The following ZNF236 variants were observed in gnomAD, a reference collection of about 807,000 sequenced individuals.
ZNF236 encodes the protein regulated by glucose.
ZNF236 carries 50 observed loss-of-function variants against 191.2 expected under a neutral mutation model. The observed-to-expected ratio is 0.26, with a 90% CI of 0.21 to 0.33. The LOEUF (loss-of-function observed/expected upper bound fraction) is 0.33. ZNF236 is among the 10% of genes least tolerant of loss of function. The pLI, the probability that ZNF236 is intolerant of heterozygous loss-of-function variation, is 1.00. For missense variants in ZNF236, 1,754 were observed against 2,374.5 expected (o/e 0.74, Z 5.43); for synonymous variants, 907 against 928.8 (o/e 0.98, Z 0.43).
intron 26 of ZNF236, among the ~76,000 whole-genome samples, chr18:76,945,648 G>A (rs1169456111): frequency 6.6e-6 from 1 of 152,176 alleles, no homozygotes; most frequent in Non-Finnish European, 1.5e-5. Flanking sequence ...TTAGCCACAC[G>A]TGGCGCATGC....
At chr18:76,918,728 A>C (rs949095469) in intron 19 of ZNF236, among the ~76,000 whole-genome samples, 2 of 151,970 alleles carry the variant, frequency 1.3e-5, no homozygotes, top group African/African-American at 4.8e-5. Flanking sequence ...TTAATTTTTA[A>C]ATTTTTGGTA....
chr18:76,904,481 C>T lies in ZNF236; in HGVS notation c.1996C>T (p.Arg666Cys), dbSNP rs1179253431. 3.1e-6 allele frequency: 5 copies of T among 1,606,808 alleles called. No homozygotes were observed. The highest frequency in any genetic ancestry group is 4.5e-5 in the East Asian group (2 of 44,334). The change falls in exon 12 of 31, where the codon CGT becomes TGT. Residue 666 changes from arginine (R) to cysteine (C), a missense_variant. Transcript: ENST00000320610. Reference protein sequence around the residue: ...DRPYKCFYCHRAYKKSCHLKQ... With the variant: ...DRPYKCFYCHCAYKKSCHLKQ... ...ACCATACAAGTGTTTTTACTGTCATCGTGCATATAAAAAATCTTGCCACCT... is the reference window on the plus strand; with the variant it reads ...ACCATACAAGTGTTTTTACTGTCATTGTGCATATAAAAAATCTTGCCACCT...
intron 1 of ZNF236, among the ~76,000 whole-genome samples, chr18:76,826,481 T>C (rs1436618500): frequency 1.3e-5 from 2 of 151,588 alleles, no homozygotes; most frequent in African/African-American, 4.8e-5. Flanking sequence ...GAACTGGATC[T>C]CCATTTGTGT....
intron 11 of ZNF236, among the ~76,000 whole-genome samples, chr18:76,902,181 AC>A (rs1398010729): frequency 6.6e-6 from 1 of 152,180 alleles, no homozygotes; most frequent in Non-Finnish European, 1.5e-5. Flanking sequence ...GGAGCTTCAC[AC>A]TGTAAATTGT....
intron 11 of ZNF236, among the ~76,000 whole-genome samples, chr18:76,902,830 A>G (rs1429347132): frequency 1.3e-5 from 2 of 151,536 alleles, no homozygotes; most frequent in Non-Finnish European, 2.9e-5. Context: ...ACCTCAGGTG[A>G]TCCACCCACC....
intron 27 of ZNF236, among the ~76,000 whole-genome samples, chr18:76,948,390 C>T (rs12968415): frequency 0.086 from 13,139 of 152,234 alleles, 788 homozygotes; most frequent in Non-Finnish European, 0.13. Flanking sequence ...ACCTGAGTAA[C>T]CAGAGCTGTC....
intron 3 of ZNF236, among the ~76,000 whole-genome samples, chr18:76,854,604 G>A (rs1425014534): frequency 6.6e-6 from 1 of 150,656 alleles, no homozygotes; most frequent in Admixed American, 6.6e-5. Flanking sequence ...AAAGTCTTTG[G>A]CATCTGGATT....
chr18:76,960,190 T>C lies in ZNF236; in HGVS notation c.5242+374T>C, dbSNP rs972716558. Among the ~76,000 whole-genome samples the C allele has an allele frequency of 6.6e-6, 1 of 152,112 alleles. No individual in the cohort carries two copies. The highest frequency in any genetic ancestry group is 1.5e-5 in the Non-Finnish European group (1 of 68,012). ...CTTAATTTTTAATCTTCCTCTTCTG[T>C]CTTAAAACTTTTTTTCTCTGCTGGC... is the stretch of plus-strand genomic sequence containing the variant. On this transcript the variant is annotated intron_variant, in intron 29 of 30. Coordinates refer to ENST00000320610, the MANE Select transcript of ZNF236 (RefSeq NM_001306089.2). The surrounding 1 kb of genome is among the most constrained non-coding windows in gnomAD (Gnocchi z 4.4).
At chr18:76,951,426 T>C (rs1968405935) in intron 27 of ZNF236, among the ~76,000 whole-genome samples, 1 of 152,230 alleles carries the variant, frequency 6.6e-6, no homozygotes, top group South Asian at 2.1e-4. Flanking sequence ...TGCACTGCTA[T>C]GTTATGGAGG....
At chr18:76,964,626 G>A (rs903058652) in intron 30 of ZNF236, among the ~76,000 whole-genome samples, 5 of 152,052 alleles carry the variant, frequency 3.3e-5, no homozygotes, top group Non-Finnish European at 7.4e-5. Flanking sequence ...TTGACTTTCT[G>A]TCTTGATGAC....
Position 76,880,463 on chromosome 18 carries a change from C to G in ZNF236, c.1188+147C>G. ...GCCTGAACCGAAAGAAATTAATATG[C>G]CTACTTAATTGCTTATGGACGGCGC... On this transcript the variant is annotated intron_variant, in intron 8 of 30. Transcript: ENST00000320610. The surrounding 1 kb of genome is among the most constrained non-coding windows in gnomAD (Gnocchi z 5.0). 3.9e-6 allele frequency: 3 copies of G among 761,194 alleles called. No individual in the cohort carries two copies. Among genetic ancestry groups the G allele is most frequent in the South Asian group, 4.5e-5 (2 of 44,076 alleles). 47.2% of individuals were successfully genotyped at this position (761,194 alleles called of 1,614,324 possible).
chr18:76,953,425 C>CTGTGGT (rs1239622333), intron 27 of ZNF236, among the ~76,000 whole-genome samples: 5 of 152,186 alleles, frequency 3.3e-5, no homozygotes, highest in African/African-American at 1.2e-4. Flanking sequence ...GTAGCCGAGC[C>CTGTGGT]CTTCCCACAG....
Position 76,915,810 on chromosome 18 carries a change from C to T in ZNF236, c.3225C>T (p.His1075=). The T allele has an allele frequency of 6.2e-7, 1 of 1,614,148 alleles. No individual in the cohort carries two copies. The highest frequency in any genetic ancestry group is 8.5e-7 in the Non-Finnish European group (1 of 1,180,038). Residue 1075 remains histidine (H), a synonymous_variant, in exon 19 of 31, where the codon CAC becomes CAT. Transcript: ENST00000320610. The stretch of plus-strand genomic sequence containing the variant: ...ATTGTAAAAAGCACATGAAGAGACA[C>T]CAAACAGTCCCCTCTGCTGTGTCAG... ...TVHCKKHMKR[H]QTVPSAVSAT... is the part of the protein sequence containing the mutation.
At chr18:76,826,628 T>TAA (rs778196167) in intron 1 of ZNF236, among the ~76,000 whole-genome samples, 432 of 139,902 alleles carry the variant, frequency 3.1e-3, no homozygotes, top group African/African-American at 0.011. Flanking sequence ...CCAGCCGTAC[T>TAA]AAAAAAAAAA....
In ZNF236 at chr18:76,956,174, C is replaced by T; in HGVS notation, c.5104C>T (p.His1702Tyr). Residue 1702 changes from histidine (H) to tyrosine (Y), a missense_variant, in exon 28 of 31, where the codon CAC becomes TAC. Coordinates refer to ENST00000320610, the MANE Select transcript of ZNF236 (RefSeq NM_001306089.2). ...CAGGAAGGCCTTCAAGCGCGCCACG[C>T]ACCTCAAGGTAGGCCCACTGTGCCA... Reference protein sequence around the residue: ...VCRKAFKRATHLKEHMQTHQA... With the variant: ...VCRKAFKRATYLKEHMQTHQA... The T allele has an allele frequency of 6.5e-7, 1 of 1,548,724 alleles. No individual in the cohort carries two copies.
chr18:76,955,094 A>C (rs1484016073), intron 27 of ZNF236, among the ~76,000 whole-genome samples: 3 of 152,176 alleles, frequency 2.0e-5, no homozygotes, highest in African/African-American at 7.2e-5. Flanking sequence ...GAAATTTGCA[A>C]AACTGGAATC....
At chr18:76,872,940 AG>A in intron 5 of ZNF236, among the ~76,000 whole-genome samples, 1 of 152,180 alleles carries the variant, frequency 6.6e-6, no homozygotes, top group South Asian at 2.1e-4. Flanking sequence ...TCAGAGTTTT[AG>A]TGAATATTTC....
chr18:76,854,693 A>G (rs1294667159), intron 3 of ZNF236, among the ~76,000 whole-genome samples: 2 of 152,128 alleles, frequency 1.3e-5, no homozygotes, highest in African/African-American at 4.8e-5. Flanking sequence ...TAAGTAATAT[A>G]TCTTTGCATA....
At position 76,880,398 on chromosome 18, in the gene ZNF236, G is replaced by T. The variant is rs1976857417; in HGVS notation, c.1188+82G>T. ...AGGGATGATAATTGAGAATAAATCT[G>T]CAGGGCTTGTCAAAGTCAGGGTATC... On this transcript the variant is annotated intron_variant, in intron 8 of 30. Transcript: ENST00000320610. The surrounding 1 kb of genome is among the most constrained non-coding windows in gnomAD (Gnocchi z 5.0). 2 of 1,389,982 alleles carry T rather than the reference G, an allele frequency of 1.4e-6. No individual in the cohort carries two copies. The highest frequency in any genetic ancestry group is 1.4e-5 in the African/African-American group (1 of 69,170). 86.1% of individuals were successfully genotyped at this position (1,389,982 alleles called of 1,614,324 possible). A position where few individuals can be genotyped will look rare whatever the true frequency, so the allele number is the denominator to read the frequency against.
Sources: gnomAD v4.1 joint callset for allele counts (sites outside exome capture counted in the v4.1 genomes callset) on GRCh38, gnomAD v4.1.1 for gene constraint, Gnocchi (gnomAD v3.1) non-coding constraint, MANE v1.5 for transcripts, NCBI Gene and HGNC (gene_info 2026-07-23, HGNC 2026-07-21) for gene names.